The following NOS1 variants were observed in gnomAD, a reference collection of about 807,000 sequenced individuals.
NOS1 encodes the protein NOS type I.
In NOS1, 51 loss-of-function variants were observed where a neutral mutation model predicts 164.5. The ratio of observed to expected loss-of-function variants is 0.31; its 90% CI spans 0.25 to 0.39. The LOEUF is 0.39. Ranked by LOEUF, NOS1 falls within the 10% of genes least tolerant of loss-of-function variation. NOS1 has a pLI of 1.00. For missense variants in NOS1, 1,362 were observed against 1,885.6 expected, an observed-to-expected ratio of 0.72 and a Z score of 5.14; for synonymous variants, 719 against 745.8, an observed-to-expected ratio of 0.96 and a Z score of 0.59.
At chr12:117,221,504 G>A (rs1372682796) in intron 26 of NOS1, among the ~76,000 whole-genome samples, 8 of 151,238 alleles carry the variant, frequency 5.3e-5, no homozygotes, top group Non-Finnish European at 7.4e-5. Context: ...GGTTGGTCTC[G>A]AACTCCTGAC....
At chr12:117,328,435 C>T (rs1875362685) in intron 2 of NOS1, among the ~76,000 whole-genome samples, 2 of 152,228 alleles carry the variant, frequency 1.3e-5, no homozygotes, top group South Asian at 4.1e-4. Flanking sequence ...TCCCAAAGTG[C>T]TGGGATTATA....
rs758404786 is a variant in NOS1 at position 117,265,478 on chromosome 12, G to A, written c.1974C>T (p.Ser658=). 2.0e-5 allele frequency: 31 copies of A among 1,570,984 alleles called. 1 individual carries two copies. Among genetic ancestry groups the A allele is most frequent in the South Asian group, 1.5e-4 (12 of 82,312 alleles). Residue 658 remains serine, a synonymous_variant, in exon 12 of 29, where the codon TCC becomes TCT. Coordinates refer to ENST00000317775, the MANE Select transcript of NOS1 (RefSeq NM_000620.5). ...TGTGCTTAATGAAGGACTCGGTGGC[G>A]GAGTGATGGTCAACAATGGTCACTT... ...SDKVTIVDHH[S]ATESFIKHME...
chr12:117,307,506 G>A (rs907040990), intron 3 of NOS1, among the ~76,000 whole-genome samples: 1 of 152,050 alleles, frequency 6.6e-6, no homozygotes, highest in African/African-American at 2.4e-5. Context: ...GACTACAGGT[G>A]CACGCCACCA....
chr12:117,240,263 T>C (rs1174939913), intron 20 of NOS1, among the ~76,000 whole-genome samples: 1 of 152,194 alleles, frequency 6.6e-6, no homozygotes, highest in East Asian at 1.9e-4. Context: ...TATTCAGAGA[T>C]TAATTTCCCA....
At chr12:117,279,992 T>A (rs1592982386) in intron 8 of NOS1, among the ~76,000 whole-genome samples, 1 of 151,852 alleles carries the variant, frequency 6.6e-6, no homozygotes, top group Non-Finnish European at 1.5e-5. Flanking sequence ...TTCAGCGGGG[T>A]ATTATTTGGG....
At chr12:117,244,048 G>A (rs1870421913) in intron 18 of NOS1, among the ~76,000 whole-genome samples, 1 of 152,234 alleles carries the variant, frequency 6.6e-6, no homozygotes, top group Admixed American at 6.5e-5. Flanking sequence ...TCCTAAAACT[G>A]ATGTGTGTAG....
At chr12:117,351,199 G>A (rs1876602098) in intron 1 of NOS1, among the ~76,000 whole-genome samples, 1 of 152,196 alleles carries the variant, frequency 6.6e-6, no homozygotes, top group Non-Finnish European at 1.5e-5. Context: ...AGGAGATGAG[G>A]GAGAAGCCGA....
rs184123968 is a variant in NOS1 at position 117,211,490 on chromosome 12, C to G, written c.*3819G>C. ...CGCCTTAATGTCCCTTTTTGAAAAA[C>G]ATTCTTAGGGACTCCCTGTTGCCTT... On this transcript the variant is annotated 3_prime_UTR_variant, in exon 29 of 29. Coordinates refer to ENST00000317775, the MANE Select transcript of NOS1 (RefSeq NM_000620.5). 1 of 984,576 alleles carries G rather than the reference C, an allele frequency of 1.0e-6. No individual in the cohort carries two copies. Among genetic ancestry groups the G allele is most frequent in the African/African-American group, 1.7e-5 (1 of 57,314 alleles). The allele number at this position is 984,576 out of a possible 1,614,324, so 61.0% of individuals were successfully genotyped here. A position where few individuals can be genotyped will look rare whatever the true frequency, so the allele number is the denominator to read the frequency against.
intron 3 of NOS1, chr12:117,305,067 G>C (rs1874063265): frequency 1.0e-6 from 1 of 985,282 alleles, no homozygotes; most frequent in Admixed American, 6.1e-5. Context: ...CCTGACTCAG[G>C]ATTGCAGGTA....
At chr12:117,358,282 C>T (rs780762786) in intron 1 of NOS1, among the ~76,000 whole-genome samples, 1 of 152,234 alleles carries the variant, frequency 6.6e-6, no homozygotes, top group African/African-American at 2.4e-5. Context: ...CTCTTTGCAT[C>T]TTACTCACAG....
In NOS1 at chr12:117,260,447, G is replaced by A. The variant is rs761554854; in HGVS notation, c.2367+18C>T. On this transcript the variant is annotated intron_variant, in intron 14 of 28. Transcript: ENST00000317775. Reference sequence around the variant, plus strand: ...TCACCATGAGAAGCTGGTGGAGCTAGGGCTACCCCCCACCTACCTTGGCAT... The same window carrying A: ...TCACCATGAGAAGCTGGTGGAGCTAAGGCTACCCCCCACCTACCTTGGCAT... The A allele has an allele frequency of 9.3e-6, 15 of 1,611,784 alleles. No homozygotes were observed. The highest frequency in any genetic ancestry group is 1.2e-5 in the Non-Finnish European group (14 of 1,178,128).
chr12:117,218,037 C>G lies in NOS1; in HGVS notation c.4289+9G>C. ...TCCTGCCCCTCACCCAGGGATGGAG[C>G]CAGCTTACTCATCGGTGTCTTTTTT... is the stretch of plus-strand genomic sequence containing the variant. On this transcript the variant is annotated intron_variant, in intron 28 of 28. Coordinates refer to ENST00000317775, the MANE Select transcript of NOS1 (RefSeq NM_000620.5). 6.3e-7 allele frequency: 1 copy of G among 1,593,314 alleles called. No individual in the cohort carries two copies. The highest frequency in any genetic ancestry group is 2.2e-5 in the East Asian group (1 of 44,772).
Position 117,290,380 on chromosome 12 carries a change from G to A in NOS1, c.899C>T (p.Ser300Phe), listed in dbSNP as rs770763591. The change falls in exon 4 of 29, where the codon TCC becomes TTC. Residue 300 changes from serine to phenylalanine, a missense_variant. Transcript: ENST00000317775. ...GACCTTGAGGAAGCGTGGACACTTGGAGGGGCTGCCATTCTTTGTGGGGGA... is the reference window on the plus strand; with the variant it reads ...GACCTTGAGGAAGCGTGGACACTTGAAGGGGCTGCCATTCTTTGTGGGGGA... ...KQSPTKNGSPSKCPRFLKVKN... is the reference protein window; with the variant it reads ...KQSPTKNGSPFKCPRFLKVKN... 6.2e-7 allele frequency: 1 copy of A among 1,613,966 alleles called. No homozygotes were observed. Among genetic ancestry groups the A allele is most frequent in the East Asian group, 2.2e-5 (1 of 44,874 alleles).
At position 117,218,030 on chromosome 12, in the gene NOS1, G is replaced by A; in HGVS notation, c.4289+16C>T. 1.9e-6 allele frequency: 3 copies of A among 1,569,746 alleles called. No individual in the cohort carries two copies. Among genetic ancestry groups the A allele is most frequent in the Non-Finnish European group, 1.8e-6 (2 of 1,139,648 alleles). ...GGGCTCTTCCTGCCCCTCACCCAGG[G>A]ATGGAGCCAGCTTACTCATCGGTGT... On this transcript the variant is annotated intron_variant, in intron 28 of 28. Transcript: ENST00000317775.
At chr12:117,241,234 G>A (rs1052186428) in intron 20 of NOS1, among the ~76,000 whole-genome samples, 36 of 151,994 alleles carry the variant, frequency 2.4e-4, no homozygotes, top group Admixed American at 3.3e-4. Flanking sequence ...CACCGTGCCT[G>A]GCCAAGTAAT....
intron 3 of NOS1, among the ~76,000 whole-genome samples, chr12:117,307,492 C>A (rs1874212067): frequency 6.6e-6 from 1 of 152,126 alleles, no homozygotes; most frequent in South Asian, 2.1e-4. Flanking sequence ...TCCCAAGTAG[C>A]TGGGACTACA....
At chr12:117,224,341 G>A (rs560165319) in intron 25 of NOS1, among the ~76,000 whole-genome samples, 6 of 151,470 alleles carry the variant, frequency 4.0e-5, no homozygotes, top group African/African-American at 4.8e-5. Context: ...GCTGGAGTGC[G>A]GTGGCACGAT....
intron 1 of NOS1, among the ~76,000 whole-genome samples, chr12:117,350,201 C>T (rs540567967): frequency 6.6e-6 from 1 of 152,096 alleles, no homozygotes; most frequent in Non-Finnish European, 1.5e-5. Flanking sequence ...ATTAGAAAAC[C>T]TTGCTTTGAA....
At chr12:117,336,081 T>A (rs1322101820) in intron 1 of NOS1, among the ~76,000 whole-genome samples, 2 of 152,080 alleles carry the variant, frequency 1.3e-5, no homozygotes, top group African/African-American at 2.4e-5. Flanking sequence ...ATCAAGGAGG[T>A]AGACCTGGGT....
Sources: allele counts gnomAD v4.1 joint callset (sites outside exome capture counted in the v4.1 genomes callset), GRCh38; gene constraint gnomAD v4.1.1; transcripts MANE v1.5; gene names NCBI Gene and HGNC (gene_info 2026-07-23, HGNC 2026-07-21).